Variants in EXOC4 observed in about 807,000 individuals in gnomAD.
The protein encoded by EXOC4 is SEC8-like 1.
EXOC4 carries 71 observed loss-of-function variants against 107.2 expected under a neutral mutation model. The ratio of observed to expected loss-of-function variants is 0.66; its 90% confidence interval spans 0.55 to 0.81. The LOEUF is 0.81. Ranked by LOEUF, EXOC4 falls within the 30% of genes least tolerant of loss-of-function variation. The pLI is 0.00. For missense variants in EXOC4, 1,108 were observed against 1,189.6 expected, an observed-to-expected ratio of 0.93 and a Z score of 1.01; for synonymous variants, 456 against 441.2, an observed-to-expected ratio of 1.03 and a Z score of -0.42.
intron 7 of EXOC4, among the ~76,000 whole-genome samples, chr7:133,434,219 G>A (rs966276080): frequency 1.3e-5 from 2 of 152,056 alleles, no homozygotes; most frequent in Non-Finnish European, 2.9e-5. Flanking sequence ...CTAAAGCAGA[G>A]GTTTCAGAAA....
At chr7:133,595,138 T>A (rs1801637428) in intron 9 of EXOC4, among the ~76,000 whole-genome samples, 1 of 151,878 alleles carries the variant, frequency 6.6e-6, no homozygotes, top group Non-Finnish European at 1.5e-5. Context: ...AGAGAGAACT[T>A]TTTTCCCCAT....
intron 17 of EXOC4, among the ~76,000 whole-genome samples, chr7:134,059,137 C>A (rs1198507060): frequency 6.6e-6 from 1 of 152,094 alleles, no homozygotes; most frequent in Non-Finnish European, 1.5e-5. Context: ...TTGCTGTCAC[C>A]CCTACAGGCA....
intron 3 of EXOC4, among the ~76,000 whole-genome samples, chr7:133,297,763 G>T (rs1286621375): frequency 6.6e-6 from 1 of 152,190 alleles, no homozygotes; most frequent in Admixed American, 6.5e-5. Context: ...GTCTGGGCTT[G>T]TTTACACTGA....
In EXOC4 at chr7:133,325,570, C is replaced by G. The variant is rs192808043; in HGVS notation, c.763+8180C>G. 2.0e-5 allele frequency among the ~76,000 whole-genome samples: 3 copies of G among 152,236 alleles called. No individual in the cohort carries two copies. In the East Asian group the frequency reaches 5.8e-4, roughly 29 times the overall value. On this transcript the variant is annotated intron_variant, in intron 5 of 17. Coordinates refer to ENST00000253861, the MANE Select transcript of EXOC4 (RefSeq NM_021807.4). ...CTCTTCTGGCTTGTAGAGTTTCTGC[C>G]GAGAGATCCGCTGTTAGTCTGATGG...
intron 4 of EXOC4, among the ~76,000 whole-genome samples, chr7:133,314,368 G>A (rs13239635): frequency 0.31 from 47,163 of 151,900 alleles, 7,644 homozygotes; most frequent in South Asian, 0.39. Flanking sequence ...TTGCCTTTGG[G>A]TTAGTGCTCA....
intron 10 of EXOC4, among the ~76,000 whole-genome samples, chr7:133,805,928 G>A (rs778976783): frequency 4.6e-5 from 7 of 152,174 alleles, no homozygotes; most frequent in African/African-American, 9.7e-5. Flanking sequence ...ATTCACCTGC[G>A]TCATCTCATT....
intron 6 of EXOC4, among the ~76,000 whole-genome samples, chr7:133,364,586 A>G (rs1796210803): frequency 6.6e-6 from 1 of 152,228 alleles, no homozygotes; most frequent in African/African-American, 2.4e-5. Context: ...AATTTCCCCA[A>G]GAAGCAGTGG....
chr7:133,941,551 G>A (rs533256652), intron 14 of EXOC4, among the ~76,000 whole-genome samples: 8 of 152,058 alleles, frequency 5.3e-5, no homozygotes, highest in Non-Finnish European at 8.8e-5. Flanking sequence ...AGGGTCTCCT[G>A]GTTGTATCTA....
At chr7:133,553,213 G>A (rs905959499) in intron 9 of EXOC4, among the ~76,000 whole-genome samples, 4 of 152,142 alleles carry the variant, frequency 2.6e-5, no homozygotes, top group Non-Finnish European at 4.4e-5. Flanking sequence ...TACATATAAA[G>A]GGTATTACTA....
chr7:133,731,289 G>A (rs1393625732), intron 10 of EXOC4, among the ~76,000 whole-genome samples: 1 of 152,068 alleles, frequency 6.6e-6, no homozygotes. Context: ...CTATCTCTAG[G>A]ATCTCTTCAT....
intron 10 of EXOC4, among the ~76,000 whole-genome samples, chr7:133,677,774 T>C (rs1022729854): frequency 6.8e-6 from 1 of 146,966 alleles, no homozygotes; most frequent in Admixed American, 7.0e-5. Flanking sequence ...TTCTGCTAAA[T>C]ATCATTAGAA....
At chr7:134,000,222 G>A (rs936463860) in intron 15 of EXOC4, among the ~76,000 whole-genome samples, 9 of 152,070 alleles carry the variant, frequency 5.9e-5, no homozygotes, top group East Asian at 1.9e-4. Flanking sequence ...CATAAGGCTC[G>A]GATAGTGAAT....
intron 3 of EXOC4, among the ~76,000 whole-genome samples, chr7:133,301,093 G>A (rs557748912): frequency 6.6e-6 from 1 of 152,216 alleles, no homozygotes; most frequent in African/African-American, 2.4e-5. Flanking sequence ...AGACCTGGAG[G>A]CTTCTTGTGC....
intron 14 of EXOC4, among the ~76,000 whole-genome samples, chr7:133,963,831 T>G (rs1343290278): frequency 6.6e-6 from 1 of 152,192 alleles, no homozygotes; most frequent in Admixed American, 6.5e-5. Flanking sequence ...ACTTTGGGGA[T>G]TACAACCTAA....
intron 7 of EXOC4, among the ~76,000 whole-genome samples, chr7:133,409,454 A>G (rs1003572169): frequency 6.6e-5 from 10 of 152,194 alleles, no homozygotes; most frequent in African/African-American, 2.4e-4. Context: ...GAGACAGAAT[A>G]TGCTGGAGGC....
intron 9 of EXOC4, among the ~76,000 whole-genome samples, chr7:133,531,248 A>G (rs924528211): frequency 5.3e-5 from 8 of 152,134 alleles, no homozygotes; most frequent in African/African-American, 1.9e-4. Context: ...TTTATTGACT[A>G]TAAATGTACT....
In EXOC4 at chr7:133,280,641, A is replaced by G. The variant is rs533226340; in HGVS notation, c.276+5470A>G. Among the ~76,000 whole-genome samples, 210 of 152,294 alleles carry G rather than the reference A, an allele frequency of 1.4e-3. 1 individual carries two copies. Among genetic ancestry groups the G allele is most frequent in the African/African-American group, 4.9e-3 (205 of 41,570 alleles). The stretch of plus-strand genomic sequence containing the variant: ...CTGAATCTCATTTTTTTTGCCTATA[A>G]TGAGAAATAAGGGTACACGATTATT... On this transcript the variant is annotated intron_variant, in intron 2 of 17. Coordinates refer to ENST00000253861, the MANE Select transcript of EXOC4 (RefSeq NM_021807.4).
In EXOC4 at chr7:133,582,716, A is replaced by G. The variant is rs80130820; in HGVS notation, c.1418-47329A>G. ...AATGATCATGGGGCTAATGATTAAAAATAAAAAAATTAAGAAAAAGACATT... is the reference window on the plus strand; with the variant it reads ...AATGATCATGGGGCTAATGATTAAAGATAAAAAAATTAAGAAAAAGACATT... On this transcript the variant is annotated intron_variant, in intron 9 of 17. Transcript: ENST00000253861. Among the ~76,000 whole-genome samples the G allele has an allele frequency of 5.9e-3, 906 of 152,310 alleles. 27 individuals are homozygous for G. The East Asian group carries it at 0.079, about 13-fold the overall frequency.
intron 14 of EXOC4, among the ~76,000 whole-genome samples, chr7:133,978,297 A>T (rs541273773): frequency 7.2e-5 from 11 of 152,300 alleles, no homozygotes; most frequent in African/African-American, 2.4e-4. Context: ...GTTGAGATCT[A>T]CGTTTGTTGT....
Sources: allele counts gnomAD v4.1 joint callset (sites outside exome capture counted in the v4.1 genomes callset), GRCh38; gene constraint gnomAD v4.1.1; transcripts MANE v1.5; gene names NCBI Gene and HGNC (gene_info 2026-07-23, HGNC 2026-07-21).